The following C10orf67 variants were observed in gnomAD, a reference collection of about 807,000 sequenced individuals.
The protein encoded by C10orf67 is chromosome 10 open reading frame 67.
C10orf67 carries 60 observed loss-of-function variants against 35.6 expected under a neutral mutation model. The observed-to-expected ratio is 1.68, with a 90% CI of 1.37 to 2.09. The LOEUF is 2.09. Among genes scored for constraint, C10orf67 ranks in the 30% most tolerant of loss-of-function variants. The pLI, the probability that C10orf67 is intolerant of heterozygous loss-of-function variation, is 0.00. For missense variants in C10orf67, 474 were observed against 330.2 expected (o/e 1.44, Z -3.38); for synonymous variants, 167 against 115.8 (o/e 1.44, Z -2.84).
chr10:23,327,246 GA>G (rs1180521627), intron 2 of C10orf67, among the ~76,000 whole-genome samples: 1 of 151,886 alleles, frequency 6.6e-6, no homozygotes, highest in Non-Finnish European at 1.5e-5. Context: ...GAAATTGGCA[GA>G]AAATACAAAT....
intron 12 of C10orf67, among the ~76,000 whole-genome samples, chr10:23,241,466 G>A (rs1174099228): frequency 6.6e-6 from 1 of 152,148 alleles, no homozygotes; most frequent in East Asian, 1.9e-4. Flanking sequence ...TTTGCATGCA[G>A]GATAGGCATG....
chr10:23,288,469 G>C (rs1168434052), intron 7 of C10orf67, among the ~76,000 whole-genome samples: 2 of 152,126 alleles, frequency 1.3e-5, no homozygotes, highest in Non-Finnish European at 2.9e-5. Context: ...GGGCCTGTTG[G>C]GGGGCTGGGG....
intron 13 of C10orf67, among the ~76,000 whole-genome samples, chr10:23,235,207 C>T (rs762805607): frequency 2.2e-4 from 34 of 151,786 alleles, no homozygotes; most frequent in Admixed American, 4.6e-4. Context: ...TCTAGAAAAA[C>T]GGAACTGGTG....
chr10:23,325,506 T>C (rs956274565), intron 2 of C10orf67, among the ~76,000 whole-genome samples: 2 of 150,136 alleles, frequency 1.3e-5, no homozygotes, highest in African/African-American at 2.4e-5. Flanking sequence ...AATTTTCTGT[T>C]TTAATCCAAA....
chr10:23,321,657 A>G (rs1430689931), intron 3 of C10orf67, among the ~76,000 whole-genome samples: 1 of 152,230 alleles, frequency 6.6e-6, no homozygotes, highest in African/African-American at 2.4e-5. Context: ...CCATTTTAAC[A>G]TTTTGAGAGA....
intron 10 of C10orf67, 59 bp downstream of exon 10, chr10:23,266,203 G>A (rs1842879848): frequency 5.0e-6 from 2 of 397,968 alleles, no homozygotes; most frequent in African/African-American, 2.1e-5. Context: ...GGGCTAAAGA[G>A]ACAGGAGTCC....
chr10:23,250,320 A>G, intron 12 of C10orf67, 135 bp downstream of exon 12: 1 of 392,846 alleles, frequency 2.5e-6, no homozygotes, highest in Non-Finnish European at 4.5e-6. Context: ...TTTTAGACCA[A>G]TTATTTTGCA....
At chr10:23,286,516 G>GAGGGAAGGAAGGGGGGGA (rs1843536843) in intron 7 of C10orf67, among the ~76,000 whole-genome samples, 1 of 90,466 alleles carries the variant, frequency 1.1e-5, no homozygotes, top group Non-Finnish European at 2.3e-5. Flanking sequence ...GGAGGGGAGG[G>GAGGGAAGGAAGGGGGGGA]AGGGAAGGAA....
At chr10:23,234,595 T>C (rs912982615) in intron 13 of C10orf67, among the ~76,000 whole-genome samples, 10 of 151,932 alleles carry the variant, frequency 6.6e-5, no homozygotes, top group African/African-American at 2.4e-4. Context: ...AACACCTGGC[T>C]GAAGAAATAA....
intron 4 of C10orf67, chr10:23,317,186 G>A (rs961278003): frequency 5.3e-5 from 8 of 152,366 alleles, no homozygotes; most frequent in Non-Finnish European, 7.3e-5. Flanking sequence ...GGCAGCAGAG[G>A]GCTGGTGTGT....
chr10:23,256,950 T>C (rs1292061782), intron 10 of C10orf67, among the ~76,000 whole-genome samples: 1 of 152,154 alleles, frequency 6.6e-6, no homozygotes, highest in Non-Finnish European at 1.5e-5. Flanking sequence ...AAATCCCATT[T>C]ATTTCTCCCA....
chr10:23,276,001 T>C (rs536335907), intron 8 of C10orf67, among the ~76,000 whole-genome samples: 19 of 152,288 alleles, frequency 1.2e-4, no homozygotes, highest in African/African-American at 4.6e-4. Context: ...TTATGTTTAT[T>C]TGGAATCCCT....
At chr10:23,298,675 C>A (rs564954653) in intron 5 of C10orf67, among the ~76,000 whole-genome samples, 5 of 152,180 alleles carry the variant, frequency 3.3e-5, no homozygotes, top group Non-Finnish European at 7.3e-5. Flanking sequence ...GGATACATTC[C>A]TCACTGAGGG....
At chr10:23,207,467 A>G (rs1004508305) in intron 15 of C10orf67, among the ~76,000 whole-genome samples, 1 of 152,224 alleles carries the variant, frequency 6.6e-6, no homozygotes, top group African/African-American at 2.4e-5. Flanking sequence ...TAATGAACTA[A>G]TGAATCGACT....
chr10:23,257,804 T>C (rs1365900910), intron 10 of C10orf67, among the ~76,000 whole-genome samples: 1 of 151,732 alleles, frequency 6.6e-6, no homozygotes, highest in Non-Finnish European at 1.5e-5. Context: ...CTCTGTTTTT[T>C]TTTTTTTAAA....
At position 23,320,921 on chromosome 10, in the gene C10orf67, A is replaced by T. The variant is rs536498137; in HGVS notation, c.472-106T>A. ...AAAAAAACATCATCTGAATCATCAC[A>T]ATCTATTGAAAACTTCAGTTCATAA... On this transcript the variant is annotated intron_variant, in intron 3 of 15. Transcript: ENST00000636213. The T allele has an allele frequency of 4.1e-6, 3 of 724,398 alleles. No homozygotes were observed. In the Admixed American group the frequency reaches 8.2e-5, roughly 20 times the overall value. The allele number at this position is 724,398 out of a possible 1,614,324, so 44.9% of individuals were successfully genotyped here.
At chr10:23,278,983 G>A (rs78502073) in intron 8 of C10orf67, among the ~76,000 whole-genome samples, 1,948 of 152,270 alleles carry the variant, frequency 0.013, 24 homozygotes, top group Middle Eastern at 0.061. Context: ...CGGTCGCAGC[G>A]GCTCATGCCT....
rs535599360 is a variant in C10orf67 at position 23,335,023 on chromosome 10, G to A, written c.207-1841C>T. Among the ~76,000 whole-genome samples, 9 of 151,996 alleles carry A rather than the reference G, an allele frequency of 5.9e-5. No homozygotes were observed. In the East Asian group the frequency reaches 7.8e-4, roughly 13 times the overall value. The stretch of plus-strand genomic sequence containing the variant: ...GGCCAATATGGCAAAACCCCGTCTC[G>A]ACTAAAAATACAAAATTAGCTGGGT... On this transcript the variant is annotated intron_variant, in intron 1 of 15. Transcript: ENST00000636213.
chr10:23,282,160 C>T, intron 7 of C10orf67, 82 bp from the exon 8 acceptor site: 1 of 398,106 alleles, frequency 2.5e-6, no homozygotes, highest in Non-Finnish European at 4.6e-6. Flanking sequence ...TTTAGTGAAA[C>T]ATATTTTAAT....
Sources: gnomAD v4.1 joint callset for allele counts (sites outside exome capture counted in the v4.1 genomes callset) on GRCh38, gnomAD v4.1.1 for gene constraint, MANE v1.5 for transcripts, NCBI Gene and HGNC (gene_info 2026-07-23, HGNC 2026-07-21) for gene names.